Variants in ROCK1 observed in about 807,000 individuals in gnomAD.
ROCK1 encodes the protein Rho associated coiled-coil containing protein kinase 1, also known as rho-associated protein kinase 1.
Under a neutral mutation model 196.8 loss-of-function variants are expected in ROCK1, and 36 were observed. The observed-to-expected ratio is 0.18, with a 90% CI of 0.14 to 0.24. The LOEUF is 0.24. Ranked by LOEUF, ROCK1 falls within the 10% of genes least tolerant of loss-of-function variation. The pLI is 1.00. For synonymous variants in ROCK1, 443 were observed against 515.9 expected (o/e 0.86, Z 1.91); for missense variants, 920 against 1,562.0 (o/e 0.59, Z 6.93).
chr18:21,106,719 T>C (rs2036706289), intron 1 of ROCK1, among the ~76,000 whole-genome samples: 1 of 152,210 alleles, frequency 6.6e-6, no homozygotes, highest in Admixed American at 6.5e-5. Flanking sequence ...AAAACCAAAG[T>C]TGACTAATTT....
chr18:20,986,784 G>A (rs1241058184), intron 19 of ROCK1, among the ~76,000 whole-genome samples, 166 bp downstream of exon 19: 1 of 152,184 alleles, frequency 6.6e-6, no homozygotes, highest in Non-Finnish European at 1.5e-5. Flanking sequence ...ATTTGAAGAG[G>A]AAAATTCTAG....
intron 9 of ROCK1, among the ~76,000 whole-genome samples, chr18:21,032,084 T>C (rs1262843442): frequency 6.6e-6 from 1 of 151,980 alleles, no homozygotes; most frequent in East Asian, 1.9e-4. Flanking sequence ...TTTCCAAATC[T>C]GGTAAAAGAT....
chr18:21,049,641 A>G (rs1289216635), intron 3 of ROCK1, 139 bp downstream of exon 3: 9 of 607,192 alleles, frequency 1.5e-5, no homozygotes, highest in Non-Finnish European at 2.5e-5. Context: ...AGGCTTCCAT[A>G]CCCTCAGGCA....
rs200672411 is a variant in ROCK1, at chr18:20,970,435, T to C, written c.2733A>G (p.Glu911=). The change falls in exon 23 of 33, where the codon GAA becomes GAG. Residue 911 remains glutamate, a synonymous_variant. Coordinates refer to ENST00000399799, the MANE Select transcript of ROCK1 (RefSeq NM_005406.3). The part of the protein sequence containing the change: ...SEQLARGLLE[E]QYFELTQESK... ...TTTCTTGCGTCAATTCAAAATACTG[T>C]TCTTCCAGAAGGCCTCGCGCCAACT... 2 of 1,613,990 alleles carry C rather than the reference T, an allele frequency of 1.2e-6. No homozygotes were observed. Among genetic ancestry groups the C allele is most frequent in the Admixed American group, 1.7e-5 (1 of 60,030 alleles).
Position 21,039,461 on chromosome 18 carries a change from A to C in ROCK1, c.1051+11T>G. On this transcript the variant is annotated intron_variant, in intron 9 of 32. Coordinates refer to ENST00000399799, the MANE Select transcript of ROCK1 (RefSeq NM_005406.3). ...TATTCACTAAAATATGAAAGAAAAA[A>C]AAAAACTTACTGTCTCGGAGCGTTT... 6.3e-7 allele frequency: 1 copy of C among 1,591,922 alleles called. No individual in the cohort carries two copies.
At chr18:21,041,600 T>A (rs1295460523) in intron 8 of ROCK1, among the ~76,000 whole-genome samples, 2 of 152,092 alleles carry the variant, frequency 1.3e-5, no homozygotes, top group Non-Finnish European at 2.9e-5. Context: ...AGAAAAAAGA[T>A]AGTATACTTT....
At chr18:20,992,795 T>A in intron 17 of ROCK1, 36 bp downstream of exon 17, 1 of 1,191,794 alleles carries the variant, frequency 8.4e-7, no homozygotes. Flanking sequence ...CAGTAATTAC[T>A]ATTTTATAAT....
chr18:21,061,130 G>A (rs2036286396), intron 2 of ROCK1, among the ~76,000 whole-genome samples: 1 of 150,670 alleles, frequency 6.6e-6, no homozygotes, highest in Non-Finnish European at 1.5e-5. Flanking sequence ...CCAGGCTGGA[G>A]TGCAATGGCG....
chr18:21,069,604 T>C (rs1201172233), intron 2 of ROCK1, among the ~76,000 whole-genome samples: 1 of 152,040 alleles, frequency 6.6e-6, no homozygotes, highest in South Asian at 2.1e-4. Context: ...ACCCTCTGCC[T>C]TTGTACTAAG....
intron 22 of ROCK1, among the ~76,000 whole-genome samples, chr18:20,974,791 C>T (rs532555877): frequency 6.6e-6 from 1 of 152,244 alleles, no homozygotes; most frequent in East Asian, 1.9e-4. Flanking sequence ...CCATAGAATG[C>T]GCTCAGAAAT....
chr18:20,962,294 G>C (rs1303746580), intron 27 of ROCK1, among the ~76,000 whole-genome samples: 8 of 152,124 alleles, frequency 5.3e-5, no homozygotes, highest in Non-Finnish European at 1.2e-4. Context: ...AGAAATTGCA[G>C]CTCTGGTTTT....
chr18:21,085,558 G>A (rs1470839557), intron 1 of ROCK1, among the ~76,000 whole-genome samples: 1 of 152,110 alleles, frequency 6.6e-6, no homozygotes, highest in Non-Finnish European at 1.5e-5. Context: ...TAAACTTGAT[G>A]AAACATTTTT....
rs1490837121 is a variant in ROCK1 at position 20,967,042 on chromosome 18, A to T, written c.3227T>A (p.Leu1076His). Residue 1076 changes from leucine to histidine, a missense_variant, in exon 27 of 33, where the codon CTT becomes CAT. This residue lies in a region of ROCK1 where 116 missense variants were observed against 204.2 expected (regional missense o/e 0.57). Coordinates refer to ENST00000399799, the MANE Select transcript of ROCK1 (RefSeq NM_005406.3). ...LVEECAHRNE[L>H]QMQLASKESD... ...CTCTTTGCTGGCCAACTGCATCTGA[A>T]GCTCATTCCTATGTGCACATTCTTC... The T allele has an allele frequency of 6.2e-7, 1 of 1,613,262 alleles. No homozygotes were observed. The highest frequency in any genetic ancestry group is 1.1e-5 in the South Asian group (1 of 91,026).
In ROCK1 at chr18:21,015,471, T is replaced by A; in HGVS notation, c.1370A>T (p.Asn457Ile). Residue 457 changes from asparagine to isoleucine, a missense_variant, in exon 13 of 33, where the codon AAC becomes ATC. Coordinates refer to ENST00000399799, the MANE Select transcript of ROCK1 (RefSeq NM_005406.3). ...DEMEQKCRTS[N>I]IKLDKIMKEL... ...TTTCATTATCTTGTCTAGTTTTATG[T>A]TTGAGGTTCTGTAAAAACAAAAGCA... 1 of 1,558,204 alleles carries A rather than the reference T, an allele frequency of 6.4e-7. No homozygotes were observed. The highest frequency in any genetic ancestry group is 8.8e-7 in the Non-Finnish European group (1 of 1,134,114).
chr18:20,967,589 TTAA>T (rs1203214013), intron 26 of ROCK1, among the ~76,000 whole-genome samples, 160 bp downstream of exon 26: 1 of 152,206 alleles, frequency 6.6e-6, no homozygotes, highest in Admixed American at 6.5e-5. Flanking sequence ...CCAATTATAG[TTAA>T]TATTATAACA....
Position 21,102,752 on chromosome 18 carries a change from G to T in ROCK1, c.93+8066C>A, listed in dbSNP as rs1159791270. Among the ~76,000 whole-genome samples the T allele has an allele frequency of 2.2e-4, 34 of 152,184 alleles. No homozygotes were observed. The East Asian group carries it at 5.2e-3, about 23-fold the overall frequency. On this transcript the variant is annotated intron_variant, in intron 1 of 32. Transcript: ENST00000399799. ...ATGGTGGCGCTTGCCTGTAGTCCCAGTTACTCAAGAGGCTGAGGCAGAAGA... is the reference window on the plus strand; with the variant it reads ...ATGGTGGCGCTTGCCTGTAGTCCCATTTACTCAAGAGGCTGAGGCAGAAGA...
intron 22 of ROCK1, among the ~76,000 whole-genome samples, chr18:20,972,803 C>T (rs560185396): frequency 5.9e-5 from 9 of 152,102 alleles, no homozygotes; most frequent in South Asian, 4.2e-4. Flanking sequence ...TGAAAGAAGA[C>T]GGTGGAAGAT....
intron 1 of ROCK1, among the ~76,000 whole-genome samples, chr18:21,108,398 C>T (rs1260482223): frequency 1.3e-5 from 2 of 152,202 alleles, no homozygotes; most frequent in Non-Finnish European, 2.9e-5. Context: ...CACCTTTGTG[C>T]AAATGACTTC....
intron 6 of ROCK1, 150 bp from the exon 7 acceptor site, chr18:21,042,859 A>T: frequency 1.5e-6 from 1 of 675,866 alleles, no homozygotes; most frequent in South Asian, 2.1e-5. Flanking sequence ...GACAAAAATT[A>T]ACACAGCTTA....
Sources: gnomAD v4.1 joint callset for allele counts (sites outside exome capture counted in the v4.1 genomes callset) on GRCh38, gnomAD v4.1.1 for gene constraint, gnomAD v4.1.1 regional missense constraint, MANE v1.5 for transcripts, NCBI Gene and HGNC (gene_info 2026-07-23, HGNC 2026-07-21) for gene names.